Variants in GPC3 observed in about 807,000 individuals in gnomAD.
GPC3 encodes the protein glypican-3.
In GPC3, 3 loss-of-function variants were observed where a neutral mutation model predicts 34.4. That is an observed-to-expected ratio of 0.09 (90% CI 0.04 to 0.23). The LOEUF is 0.23. Among genes scored for constraint, GPC3 ranks in the 10% least tolerant of loss-of-function variants. The pLI is 1.00. For missense variants in GPC3, 351 were observed against 445.6 expected (o/e 0.79, Z 1.91); for synonymous variants, 177 against 174.0 (o/e 1.02, Z -0.13).
chrX:133,826,612 C>G (rs1215454684), intron 2 of GPC3, among the ~76,000 whole-genome samples: 1 of 110,912 alleles, frequency 9.0e-6, no homozygotes, highest in Non-Finnish European at 1.9e-5. Flanking sequence ...GAAAAGCATG[C>G]AGAAAGAATA....
intron 2 of GPC3, among the ~76,000 whole-genome samples, chrX:133,889,630 AT>A (rs1457764885): frequency 1.9e-3 from 198 of 103,483 alleles, no homozygotes; most frequent in Middle Eastern, 4.9e-3. Context: ...TATTTTTTCT[AT>A]TTTTTTTTTT....
intron 2 of GPC3, among the ~76,000 whole-genome samples, chrX:133,902,374 G>A (rs1275210401): frequency 3.6e-5 from 4 of 112,199 alleles, no homozygotes; most frequent in Non-Finnish European, 7.5e-5. Context: ...TGGGTTGGAG[G>A]TTGAAGATTA....
chrX:133,719,534 C>T (rs1036011365), intron 3 of GPC3, among the ~76,000 whole-genome samples: 4 of 110,675 alleles, frequency 3.6e-5, no homozygotes, highest in Non-Finnish European at 5.7e-5. Flanking sequence ...CACTAGATGA[C>T]GAGTTAGTGG....
chrX:133,902,291 T>A (rs761028234), intron 2 of GPC3, among the ~76,000 whole-genome samples: 2 of 112,602 alleles, frequency 1.8e-5, no homozygotes, highest in East Asian at 2.8e-4. Context: ...TTTTAAAAAG[T>A]TTTAATAATT....
chrX:133,985,474 G>C lies in GPC3; in HGVS notation c.-25C>G, dbSNP rs1220567255. On this transcript the variant is annotated 5_prime_UTR_variant, in exon 1 of 8. Transcript: ENST00000370818. ...TCCTGCTTCGCAGGGAGCTAGGAGA[G>C]CGCGGGAGAGTGGCAGCCGGAGCGA... The C allele has an allele frequency of 8.6e-7, 1 of 1,159,636 alleles. No homozygotes were observed. The highest frequency in any genetic ancestry group is 1.9e-5 in the South Asian group (1 of 52,572).
intron 2 of GPC3, among the ~76,000 whole-genome samples, chrX:133,852,218 G>C (rs1293849787): frequency 1.8e-5 from 2 of 111,711 alleles, no homozygotes; most frequent in Non-Finnish European, 1.9e-5. Flanking sequence ...ATTTTATTCA[G>C]TCTGAGTTCC....
intron 2 of GPC3, among the ~76,000 whole-genome samples, chrX:133,948,305 A>T (rs1190182369): frequency 5.4e-5 from 6 of 110,989 alleles, no homozygotes; most frequent in African/African-American, 2.0e-4. Context: ...ATTCTAACCA[A>T]GGTCAATTTT....
At chrX:133,639,759 T>C (rs2070463838) in intron 6 of GPC3, among the ~76,000 whole-genome samples, 1 of 111,974 alleles carries the variant, frequency 8.9e-6, no homozygotes, top group Admixed American at 9.5e-5. Flanking sequence ...CCATTAAGAA[T>C]GAGGGCTTCT....
chrX:133,690,153 T>C (rs942067822), intron 5 of GPC3, among the ~76,000 whole-genome samples: 2 of 111,693 alleles, frequency 1.8e-5, no homozygotes, highest in African/African-American at 3.3e-5. Context: ...ACAATTTCAG[T>C]GCCTCATTCA....
chrX:133,724,635 C>T (rs1231555209), intron 3 of GPC3, among the ~76,000 whole-genome samples: 1 of 111,755 alleles, frequency 8.9e-6, no homozygotes, highest in Admixed American at 9.5e-5. Context: ...GGTAAGGTCC[C>T]TTCTCTTCTC....
intron 2 of GPC3, among the ~76,000 whole-genome samples, chrX:133,951,054 GT>G: frequency 1.1e-5 from 1 of 87,556 alleles, no homozygotes; most frequent in African/African-American, 4.8e-5. Context: ...GAAAGTGTGT[GT>G]GTGTGTGTGT....
intron 2 of GPC3, among the ~76,000 whole-genome samples, chrX:133,798,881 G>A (rs1389241687): frequency 1.8e-5 from 2 of 111,896 alleles, no homozygotes; most frequent in Non-Finnish European, 3.8e-5. Context: ...ACTAGAAAGG[G>A]TAGTGGACAT....
intron 2 of GPC3, among the ~76,000 whole-genome samples, chrX:133,810,762 G>A (rs1233929160): frequency 1.9e-5 from 2 of 107,679 alleles, no homozygotes; most frequent in Admixed American, 1.0e-4. Context: ...AAAATTAGCC[G>A]GGCATATTGG....
intron 3 of GPC3, among the ~76,000 whole-genome samples, chrX:133,735,469 C>T (rs1421001842): frequency 9.0e-6 from 1 of 111,472 alleles, no homozygotes; most frequent in African/African-American, 3.3e-5. Context: ...TCAAATGAAT[C>T]ATAGACCTAT....
chrX:133,834,310 G>A (rs1053864035), intron 2 of GPC3, among the ~76,000 whole-genome samples: 1 of 112,063 alleles, frequency 8.9e-6, no homozygotes, highest in Non-Finnish European at 1.9e-5. Flanking sequence ...ATGAATAAGA[G>A]AGTAGTCAGA....
At chrX:133,582,831 G>T (rs1429781707) in intron 7 of GPC3, among the ~76,000 whole-genome samples, 1 of 110,970 alleles carries the variant, frequency 9.0e-6, no homozygotes, top group Non-Finnish European at 1.9e-5. Context: ...AGTGTGAACT[G>T]GACAACCTTA....
At chrX:133,785,870 T>A (rs1284717385) in intron 2 of GPC3, among the ~76,000 whole-genome samples, 1 of 112,298 alleles carries the variant, frequency 8.9e-6, no homozygotes, top group African/African-American at 3.2e-5. Flanking sequence ...CAAAGAATAC[T>A]ATAGTCCGTG....
At position 133,549,618 on chromosome X, in the gene GPC3, T is replaced by TCTCC. The variant is rs1422410411; in HGVS notation, c.1574-13326_1574-13325insGGAG. Among the ~76,000 whole-genome samples, 3 of 105,973 alleles carry TCTCC rather than the reference T, an allele frequency of 2.8e-5. No homozygotes were observed. In the East Asian group the frequency reaches 9.3e-4, roughly 33 times the overall value. 92.0% of individuals were successfully genotyped at this position (105,973 alleles called of 115,157 possible). On this transcript the variant is annotated intron_variant, in intron 7 of 7. Transcript: ENST00000370818. ...CCCTTAGCCTGGAATGGCCTCTCTC[T>TCTCC]CTCTCTCCCTCCCTCCCCCCTCTTT...
intron 5 of GPC3, among the ~76,000 whole-genome samples, chrX:133,681,901 A>G (rs2070947755): frequency 8.9e-6 from 1 of 112,045 alleles, no homozygotes. Flanking sequence ...TGACACTGAT[A>G]ACACTAAAAG....
Sources: allele counts gnomAD v4.1 joint callset (sites outside exome capture counted in the v4.1 genomes callset), GRCh38; gene constraint gnomAD v4.1.1; transcripts MANE v1.5; gene names NCBI Gene and HGNC (gene_info 2026-07-23, HGNC 2026-07-21).